The following GPC5 variants were observed in gnomAD, a reference collection of about 807,000 sequenced individuals.
GPC5 encodes glypican 5.
GPC5 carries 47 observed loss-of-function variants against 53.9 expected under a neutral mutation model. The observed-to-expected ratio is 0.87, with a 90% CI of 0.69 to 1.11. The LOEUF (loss-of-function observed/expected upper bound fraction) is 1.11. GPC5 is among the 50% of genes most tolerant of loss of function. The pLI is 0.00. For missense variants in GPC5, 748 were observed against 713.1 expected (o/e 1.05, Z -0.56); for synonymous variants, 286 against 263.3 (o/e 1.09, Z -0.84).
chr13:92,426,238 C>T (rs1594192319), intron 7 of GPC5, among the ~76,000 whole-genome samples: 1 of 152,150 alleles, frequency 6.6e-6, no homozygotes, highest in East Asian at 1.9e-4. Context: ...ATAGGTGGGA[C>T]AGAGCACTGA....
intron 7 of GPC5, among the ~76,000 whole-genome samples, chr13:92,622,785 T>C (rs1364664881): frequency 6.6e-6 from 1 of 152,126 alleles, no homozygotes; most frequent in African/African-American, 2.4e-5. Context: ...ATCATCAGTG[T>C]CTTATCAAAT....
Position 91,398,943 on chromosome 13 carries a change from C to G in GPC5, c.-104C>G, listed in dbSNP as rs1011383542. On this transcript the variant is annotated 5_prime_UTR_variant, in exon 1 of 8. Transcript: ENST00000377067. ...CGTACACCCCGCAGCCGGCTCGCAC[C>G]GCTCGAGAGCCTCGGCCGCTGTGTC... 4 of 1,418,726 alleles carry G rather than the reference C, an allele frequency of 2.8e-6. No homozygotes were observed. The highest frequency in any genetic ancestry group is 2.9e-5 in the South Asian group (2 of 69,626). 87.9% of individuals were successfully genotyped at this position (1,418,726 alleles called of 1,614,324 possible).
chr13:92,045,632 C>T (rs1313766079), intron 6 of GPC5, among the ~76,000 whole-genome samples: 1 of 151,974 alleles, frequency 6.6e-6, no homozygotes, highest in African/African-American at 2.4e-5. Flanking sequence ...TTTCATGGTA[C>T]TTAAGATGCA....
intron 5 of GPC5, among the ~76,000 whole-genome samples, chr13:91,838,655 C>T (rs950692982): frequency 6.6e-6 from 1 of 151,858 alleles, no homozygotes; most frequent in Non-Finnish European, 1.5e-5. Context: ...CAACTTTGTA[C>T]CTTGGTGGGT....
chr13:92,657,166 G>A (rs1886164594), intron 7 of GPC5, among the ~76,000 whole-genome samples: 2 of 152,024 alleles, frequency 1.3e-5, no homozygotes, highest in Non-Finnish European at 1.5e-5. Flanking sequence ...GGAGACACAG[G>A]TTAATAATAA....
chr13:92,166,881 T>C (rs145397558), intron 7 of GPC5, among the ~76,000 whole-genome samples: 12 of 151,744 alleles, frequency 7.9e-5, no homozygotes, highest in Non-Finnish European at 1.8e-4. Flanking sequence ...GTTGGGAATA[T>C]TGCAGTCTGA....
chr13:91,790,762 G>A (rs1348841366), intron 5 of GPC5, among the ~76,000 whole-genome samples: 2 of 152,206 alleles, frequency 1.3e-5, no homozygotes, highest in African/African-American at 4.8e-5. Context: ...CTTTGTGGTA[G>A]CAAGCTGGTT....
chr13:91,624,223 A>C (rs1389383928), intron 2 of GPC5, among the ~76,000 whole-genome samples: 1 of 152,144 alleles, frequency 6.6e-6, no homozygotes, highest in East Asian at 1.9e-4. Flanking sequence ...ACTGTCAAAA[A>C]TCTACCCCTA....
chr13:92,854,584 G>A (rs1481010173), intron 7 of GPC5, among the ~76,000 whole-genome samples: 1 of 151,818 alleles, frequency 6.6e-6, no homozygotes, highest in Non-Finnish European at 1.5e-5. Flanking sequence ...TTATTATCAA[G>A]TCAGAAGCAT....
intron 5 of GPC5, among the ~76,000 whole-genome samples, chr13:91,779,658 G>A (rs1340379940): frequency 2.0e-5 from 3 of 152,186 alleles, no homozygotes; most frequent in East Asian, 3.9e-4. Flanking sequence ...ACTGCACCTA[G>A]CTGTTTTTTA....
intron 6 of GPC5, among the ~76,000 whole-genome samples, chr13:91,914,980 G>A (rs193280912): frequency 7.2e-5 from 11 of 152,084 alleles, no homozygotes; most frequent in South Asian, 6.2e-4. Flanking sequence ...ATTCTTTGAC[G>A]GTAGCATGTC....
intron 7 of GPC5, among the ~76,000 whole-genome samples, chr13:92,748,311 T>TTTTTTATTA (rs535585731): frequency 1.3e-4 from 18 of 142,348 alleles, no homozygotes; most frequent in East Asian, 2.1e-4. Flanking sequence ...TGCATTTTAT[T>TTTTTTATTA]TTATTATTAT....
intron 7 of GPC5, among the ~76,000 whole-genome samples, chr13:92,749,620 A>G (rs931540688): frequency 2.6e-5 from 4 of 152,162 alleles, no homozygotes; most frequent in African/African-American, 9.7e-5. Context: ...ATGAGTACAC[A>G]TCAATAATAA....
intron 7 of GPC5, among the ~76,000 whole-genome samples, chr13:92,253,425 A>C (rs1395316722): frequency 9.9e-6 from 1 of 100,810 alleles, no homozygotes; most frequent in Non-Finnish European, 2.2e-5. Flanking sequence ...TAGAAATAAC[A>C]GGAGTTAAAA....
At chr13:92,539,468 T>G (rs1020182271) in intron 7 of GPC5, among the ~76,000 whole-genome samples, 24 of 152,178 alleles carry the variant, frequency 1.6e-4, no homozygotes, top group African/African-American at 4.8e-4. Flanking sequence ...AAATGTCTTC[T>G]TTTGAAAAGT....
At chr13:92,666,317 A>T (rs2139196692) in intron 7 of GPC5, among the ~76,000 whole-genome samples, 1 of 152,310 alleles carries the variant, frequency 6.6e-6, no homozygotes, top group South Asian at 2.1e-4. Flanking sequence ...ATACATAGCC[A>T]CTGTATATAA....
chr13:92,579,716 T>C (rs1883313480), intron 7 of GPC5, among the ~76,000 whole-genome samples: 1 of 152,166 alleles, frequency 6.6e-6, no homozygotes, highest in South Asian at 2.1e-4. Context: ...ATTTCTGTCT[T>C]TAACATGTCT....
intron 7 of GPC5, among the ~76,000 whole-genome samples, chr13:92,713,037 G>A (rs1888194164): frequency 6.6e-6 from 1 of 151,734 alleles, no homozygotes; most frequent in African/African-American, 2.4e-5. Context: ...CTTTGTTATG[G>A]CTGCCCAAGC....
intron 2 of GPC5, among the ~76,000 whole-genome samples, chr13:91,551,787 G>A (rs2030655771): frequency 1.3e-5 from 2 of 152,072 alleles, no homozygotes; most frequent in Admixed American, 6.6e-5. Flanking sequence ...AACACTAGGA[G>A]AGAAAGAGCA....
Sources: gnomAD v4.1 joint callset for allele counts (sites outside exome capture counted in the v4.1 genomes callset) on GRCh38, gnomAD v4.1.1 for gene constraint, MANE v1.5 for transcripts, NCBI Gene and HGNC (gene_info 2026-07-23, HGNC 2026-07-21) for gene names.